PDZD2: variants seen among roughly 807,000 people sequenced by gnomAD.
The protein encoded by PDZD2 is PDZ domain containing 2.
PDZD2 carries 90 observed loss-of-function variants against 220.7 expected under a neutral mutation model. The observed-to-expected ratio is 0.41, with a 90% CI of 0.34 to 0.49. The LOEUF (loss-of-function observed/expected upper bound fraction) is 0.49, where lower values mean the gene tolerates loss of function less well. Among genes scored for constraint, PDZD2 ranks in the 20% least tolerant of loss-of-function variants. PDZD2 has a pLI of 0.28. For missense variants in PDZD2, 3,174 were observed against 3,608.5 expected (o/e 0.88, Z 3.08); for synonymous variants, 1,375 against 1,450.5 (o/e 0.95, Z 1.18).
intron 1 of PDZD2, among the ~76,000 whole-genome samples, chr5:31,690,370 C>A (rs1048060300): frequency 6.6e-6 from 1 of 152,068 alleles, no homozygotes; most frequent in Non-Finnish European, 1.5e-5. Flanking sequence ...AGGGCCATGG[C>A]AGATGACGAG....
At chr5:31,709,623 G>T (rs985764238) in intron 1 of PDZD2, among the ~76,000 whole-genome samples, 2 of 152,236 alleles carry the variant, frequency 1.3e-5, no homozygotes, top group African/African-American at 4.8e-5. Flanking sequence ...CTAGGGCTTT[G>T]CCTTTACCAA....
At chr5:32,084,140 G>A (rs953554073) in intron 19 of PDZD2, among the ~76,000 whole-genome samples, 2 of 152,276 alleles carry the variant, frequency 1.3e-5, no homozygotes, top group African/African-American at 4.8e-5. Flanking sequence ...AGAAGAGCAC[G>A]TGGCTTTGAG....
chr5:31,914,890 G>A (rs2150372573), intron 2 of PDZD2, among the ~76,000 whole-genome samples: 1 of 152,286 alleles, frequency 6.6e-6, no homozygotes, highest in East Asian at 1.9e-4. Flanking sequence ...GCTCATACAG[G>A]AGTGGAGGTA....
intron 6 of PDZD2, among the ~76,000 whole-genome samples, chr5:32,018,698 C>G (rs61269871): frequency 0.022 from 3,329 of 152,336 alleles, 120 homozygotes; most frequent in African/African-American, 0.077. Flanking sequence ...GAACTTCTCT[C>G]TCTCCCCAAC....
At chr5:31,821,395 T>TATTAC (rs1160948619) in intron 2 of PDZD2, among the ~76,000 whole-genome samples, 7,528 of 146,632 alleles carry the variant, frequency 0.051, 695 homozygotes, top group African/African-American at 0.18. Flanking sequence ...TTATTTTTTT[T>TATTAC]TTTTGAGATG....
chr5:31,662,681 G>C (rs572561718), intron 1 of PDZD2, among the ~76,000 whole-genome samples: 5 of 152,276 alleles, frequency 3.3e-5, no homozygotes, highest in South Asian at 2.1e-4. Flanking sequence ...CCAGGATGGA[G>C]TGCAGTGGCG....
At chr5:31,875,627 T>A (rs1450774006) in intron 2 of PDZD2, among the ~76,000 whole-genome samples, 1 of 147,698 alleles carries the variant, frequency 6.8e-6, no homozygotes, top group African/African-American at 2.5e-5. Context: ...AAATATATGT[T>A]TAAATATATA....
intron 2 of PDZD2, among the ~76,000 whole-genome samples, chr5:31,969,256 C>T (rs11748469): frequency 0.038 from 5,757 of 152,146 alleles, 156 homozygotes; most frequent in Middle Eastern, 0.075. Flanking sequence ...CCTGTAATCT[C>T]AGCACTTTGA....
intron 21 of PDZD2, among the ~76,000 whole-genome samples, chr5:32,094,964 C>G (rs993426891): frequency 6.6e-6 from 1 of 152,202 alleles, no homozygotes; most frequent in Non-Finnish European, 1.5e-5. Context: ...CCTCCTCCCA[C>G]TTGTTATTAC....
intron 2 of PDZD2, among the ~76,000 whole-genome samples, chr5:31,892,727 C>T (rs1741157169): frequency 1.6e-5 from 2 of 124,118 alleles, no homozygotes; most frequent in Admixed American, 9.5e-5. Context: ...ACCACCACAC[C>T]CGGCTAATTT....
At chr5:31,911,737 T>C (rs1743222591) in intron 2 of PDZD2, among the ~76,000 whole-genome samples, 1 of 152,160 alleles carries the variant, frequency 6.6e-6, no homozygotes, top group African/African-American at 2.4e-5. Context: ...CATGAGTCTG[T>C]TCTAGCAGAA....
intron 2 of PDZD2, among the ~76,000 whole-genome samples, chr5:31,804,631 T>C (rs955598014): frequency 1.3e-5 from 2 of 152,164 alleles, no homozygotes; most frequent in Non-Finnish European, 2.9e-5. Flanking sequence ...TCTGTATTCC[T>C]AACCACTGCA....
At chr5:31,714,001 A>T (rs1480226887) in intron 1 of PDZD2, among the ~76,000 whole-genome samples, 1 of 152,240 alleles carries the variant, frequency 6.6e-6, no homozygotes, top group Non-Finnish European at 1.5e-5. Context: ...CCTTTATAGC[A>T]TCACAAATGG....
chr5:31,847,871 C>T (rs1757679223), intron 2 of PDZD2: 4 of 507,262 alleles, frequency 7.9e-6, no homozygotes, highest in Non-Finnish European at 1.2e-5. Flanking sequence ...CATCACGTGT[C>T]AGAATGTTGC....
At chr5:31,969,509 C>CACAAAAAAAAAAAAAAAAA (rs1749076072) in intron 2 of PDZD2, among the ~76,000 whole-genome samples, 1 of 51,418 alleles carries the variant, frequency 1.9e-5, no homozygotes. Context: ...GCCCCCTCTC[C>CACAAAAAAAAAAAAAAAAA]AAAAAAAAAA....
In PDZD2 at chr5:32,061,042, C is replaced by A; in HGVS notation, c.2359C>A (p.Arg787Ser). The A allele has an allele frequency of 6.2e-7, 1 of 1,614,120 alleles. No individual in the cohort carries two copies. The highest frequency in any genetic ancestry group is 1.3e-5 in the African/African-American group (1 of 75,044). Reference protein sequence around the residue: ...QILEVNSVNVRHAALSKVHAI... With the variant: ...QILEVNSVNVSHAALSKVHAI... ...CCTGGAAGTGAACTCCGTCAACGTC[C>A]GCCATGCTGCTTTAAGCAAAGTCCA... The change falls in exon 14 of 25, where the codon CGC (arginine) becomes AGC (serine). Residue 787 changes from arginine (R) to serine (S), a missense_variant. By Grantham distance (110) the Arg-to-Ser change is moderately radical (BLOSUM62 -1). Transcript: ENST00000438447.
chr5:31,875,981 C>G (rs1739265691), intron 2 of PDZD2, among the ~76,000 whole-genome samples: 1 of 152,140 alleles, frequency 6.6e-6, no homozygotes, highest in South Asian at 2.1e-4. Flanking sequence ...AAATATTTTT[C>G]AAGTTTCCTA....
chr5:31,883,552 C>G (rs753944384), intron 2 of PDZD2, among the ~76,000 whole-genome samples: 1 of 151,450 alleles, frequency 6.6e-6, no homozygotes, highest in Non-Finnish European at 1.5e-5. Context: ...AAGAAAAGTA[C>G]ATGAATCAGA....
intron 13 of PDZD2, 89 bp downstream of exon 13, chr5:32,059,445 G>A (rs1739470259): frequency 3.3e-6 from 2 of 601,388 alleles, no homozygotes; most frequent in Non-Finnish European, 5.8e-6. Flanking sequence ...ACTTCCCTTT[G>A]AGGGATGTTG....
Sources: allele counts gnomAD v4.1 joint callset (sites outside exome capture counted in the v4.1 genomes callset), GRCh38; gene constraint gnomAD v4.1.1; transcripts MANE v1.5; gene names NCBI Gene and HGNC (gene_info 2026-07-23, HGNC 2026-07-21).